The following ZNF157 variants were observed in gnomAD, a reference collection of about 807,000 sequenced individuals.
ZNF157 encodes zinc finger protein 157.
In ZNF157, 8 loss-of-function variants were observed where a neutral mutation model predicts 9.4. The ratio of observed to expected loss-of-function variants is 0.85; its 90% CI spans 0.50 to 1.53. ZNF157 has a LOEUF of 1.53. Ranked by LOEUF, ZNF157 falls within the 40% of genes most tolerant of loss-of-function variation. ZNF157 has a pLI of 0.00. For missense variants in ZNF157, 316 were observed against 385.2 expected (o/e 0.82, Z 1.50); for synonymous variants, 120 against 130.8 (o/e 0.92, Z 0.56).
rs145302038 is a variant in ZNF157, at chrX:47,410,544, G to A, written c.200-136G>A. On this transcript the variant is annotated intron_variant, in intron 2 of 3. Transcript: ENST00000377073. ...TTAGGGCACCAGAAAAAATGTGTGC[G>A]TTCTTACTTCCCCAATGAAAGGTTT... The A allele has an allele frequency of 1.4e-4, 136 of 947,934 alleles. No homozygotes were observed. In the African/African-American group the frequency reaches 1.8e-3, roughly 13 times the overall value. The allele number at this position is 947,934 out of a possible 1,213,427, so 78.1% of individuals were successfully genotyped here. A position where few individuals can be genotyped will look rare whatever the true frequency, so the allele number is the denominator to read the frequency against.
At chrX:47,385,544 C>CGTGTGT (rs10687283) in intron 1 of ZNF157, among the ~76,000 whole-genome samples, 16,792 of 90,085 alleles carry the variant, frequency 0.19, 1,417 homozygotes, top group Middle Eastern at 0.27. Context: ...TAAGCGATTC[C>CGTGTGT]GTGTGTGTGT....
At chrX:47,400,902 C>T (rs1165682599) in intron 1 of ZNF157, among the ~76,000 whole-genome samples, 1 of 111,520 alleles carries the variant, frequency 9.0e-6, no homozygotes, top group Non-Finnish European at 1.9e-5. Flanking sequence ...AGCAGTCCTC[C>T]CATCTCGGCC....
intron 1 of ZNF157, among the ~76,000 whole-genome samples, chrX:47,404,544 A>G (rs765504245): frequency 4.1e-4 from 46 of 111,336 alleles, no homozygotes; most frequent in African/African-American, 1.5e-3. Flanking sequence ...TAAAAATACA[A>G]TAATCAAAAT....
chrX:47,412,505 T>C lies in ZNF157; in HGVS notation c.432T>C (p.His144=). Residue 144 remains histidine (H), a synonymous_variant, in exon 4 of 4, where the codon CAT becomes CAC. Coordinates refer to ENST00000377073, the MANE Select transcript of ZNF157 (RefSeq NM_003446.4). ...ATAATGGATGCAGGAAAGCCTTCCA[T>C]GAGAAAACAGGCTTTGTTAGACGTA... ...VEYNGCRKAF[H]EKTGFVRRKR... is the part of the protein sequence containing the mutation. The C allele has an allele frequency of 3.3e-6, 4 of 1,211,444 alleles. No homozygotes were observed. The East Asian group carries it at 1.2e-4, about 36-fold the overall frequency.
intron 1 of ZNF157, among the ~76,000 whole-genome samples, chrX:47,387,770 G>A (rs1320219823): frequency 9.5e-6 from 1 of 105,266 alleles, no homozygotes; most frequent in Non-Finnish European, 1.9e-5. Context: ...AGGCATGGTG[G>A]CACATACCTG....
chrX:47,408,216 T>C (rs907920420), intron 1 of ZNF157, among the ~76,000 whole-genome samples: 16 of 110,616 alleles, frequency 1.4e-4, no homozygotes, highest in African/African-American at 5.2e-4. Context: ...GATTCCTGAT[T>C]CTCCTGCCTC....
intron 2 of ZNF157, 107 bp from the exon 3 acceptor site, chrX:47,410,573 T>C: frequency 1.1e-6 from 1 of 944,476 alleles, no homozygotes; most frequent in Admixed American, 2.9e-5. Flanking sequence ...AAGGTTTAAA[T>C]GGGCCCCCTT....
intron 1 of ZNF157, among the ~76,000 whole-genome samples, chrX:47,376,276 C>G (rs1012405040): frequency 3.6e-5 from 4 of 112,188 alleles, no homozygotes; most frequent in Non-Finnish European, 5.6e-5. Flanking sequence ...GGCTAAATAA[C>G]TAGGAGCATA....
intron 1 of ZNF157, chrX:47,390,307 G>T (rs2055893070): frequency 8.9e-6 from 1 of 111,974 alleles, no homozygotes; most frequent in Non-Finnish European, 1.9e-5. Flanking sequence ...CTGCTGTGCT[G>T]CTTCTTAAGG....
chrX:47,382,219 T>C (rs7050097), intron 1 of ZNF157, among the ~76,000 whole-genome samples: 3,713 of 109,256 alleles, frequency 0.034, 174 homozygotes, highest in African/African-American at 0.12. Context: ...GTCTGTCCTT[T>C]GTCATCCTGC....
intron 1 of ZNF157, among the ~76,000 whole-genome samples, chrX:47,382,207 C>A (rs1176477045): frequency 9.3e-6 from 1 of 107,558 alleles, no homozygotes; most frequent in African/African-American, 3.4e-5. Flanking sequence ...ACATTGAGTT[C>A]TGTCTGTCCT....
chrX:47,374,883 G>A (rs1390890568), intron 1 of ZNF157, among the ~76,000 whole-genome samples: 6 of 99,723 alleles, frequency 6.0e-5, no homozygotes, highest in African/African-American at 2.2e-4. Context: ...TAATTTTTTT[G>A]TATTTTTAGT....
chrX:47,383,740 G>A (rs899923343), intron 1 of ZNF157, among the ~76,000 whole-genome samples: 6 of 106,364 alleles, frequency 5.6e-5, no homozygotes, highest in Admixed American at 1.0e-4. Flanking sequence ...GCTCCACCCC[G>A]GGATGGGGAC....
intron 1 of ZNF157, 76 bp downstream of exon 1, chrX:47,370,816 G>A: frequency 2.2e-6 from 2 of 901,840 alleles, no homozygotes; most frequent in Non-Finnish European, 1.5e-6. Context: ...TATATTTTGA[G>A]ATAATTGTAG....
intron 1 of ZNF157, among the ~76,000 whole-genome samples, chrX:47,392,678 C>T (rs1454865466): frequency 8.9e-6 from 1 of 111,919 alleles, no homozygotes; most frequent in African/African-American, 3.2e-5. Context: ...GCATCAGTTT[C>T]TGCCTGTGGA....
chrX:47,404,644 A>G (rs927395254), intron 1 of ZNF157, among the ~76,000 whole-genome samples: 61 of 111,578 alleles, frequency 5.5e-4, no homozygotes, highest in Non-Finnish European at 9.4e-4. Flanking sequence ...TTATCTATAT[A>G]TAAATGAGTG....
chrX:47,380,465 C>G (rs1035554926), intron 1 of ZNF157, among the ~76,000 whole-genome samples: 1 of 111,524 alleles, frequency 9.0e-6, no homozygotes, highest in Non-Finnish European at 1.9e-5. Context: ...CTTGTCAGCG[C>G]TTGAGAAGGG....
intron 1 of ZNF157, among the ~76,000 whole-genome samples, chrX:47,398,205 A>G (rs922047645): frequency 9.0e-6 from 1 of 110,650 alleles, no homozygotes; most frequent in Non-Finnish European, 1.9e-5. Context: ...ATCACACCAT[A>G]TATTAAATGC....
chrX:47,411,541 T>A (rs772922283), intron 3 of ZNF157, among the ~76,000 whole-genome samples: 48 of 108,803 alleles, frequency 4.4e-4, no homozygotes, highest in African/African-American at 6.0e-4. Context: ...TATTATTATT[T>A]TTTTTTTGTA....
Sources: allele counts gnomAD v4.1 joint callset (sites outside exome capture counted in the v4.1 genomes callset), GRCh38; gene constraint gnomAD v4.1.1; transcripts MANE v1.5; gene names NCBI Gene and HGNC (gene_info 2026-07-23, HGNC 2026-07-21).